Variants in THSD4 observed in about 807,000 individuals in gnomAD.
The protein encoded by THSD4 is thrombospondin type 1 domain containing 4.
Under a neutral mutation model 119.0 loss-of-function variants are expected in THSD4, and 69 were observed. That is an observed-to-expected ratio of 0.58 (90% CI 0.48 to 0.71). The LOEUF is 0.71. THSD4 is among the 30% of genes least tolerant of loss of function. The probability of loss-of-function intolerance (pLI) is 0.00; values close to 1 mark genes in which losing one functional copy is unlikely to be tolerated. For synonymous variants in THSD4, 524 were observed against 540.4 expected (o/e 0.97, Z 0.42); for missense variants, 1,393 against 1,391.1 (o/e 1.00, Z -0.02).
intron 7 of THSD4, among the ~76,000 whole-genome samples, chr15:71,434,986 C>A (rs182572793): frequency 5.3e-5 from 8 of 152,152 alleles, no homozygotes; most frequent in African/African-American, 1.7e-4. Context: ...CTCCCAAGAC[C>A]CGGAGCCACC....
At chr15:71,553,457 C>T (rs1209097602) in intron 7 of THSD4, among the ~76,000 whole-genome samples, 1 of 151,824 alleles carries the variant, frequency 6.6e-6, no homozygotes, top group Non-Finnish European at 1.5e-5. Flanking sequence ...TCCTGAGTAG[C>T]TGGAATTACA....
chr15:71,271,134 A>T (rs1195860754), intron 6 of THSD4, among the ~76,000 whole-genome samples: 3 of 145,400 alleles, frequency 2.1e-5, no homozygotes. Flanking sequence ...AAGAGAAATG[A>T]AAGTAATCGT....
rs1373141938 is a variant in THSD4 at position 71,781,478 on chromosome 15, C to T, written c.*4104C>T. On this transcript the variant is annotated 3_prime_UTR_variant, in exon 18 of 18. Transcript: ENST00000261862. ...TGTGTTTGCATTTGCCGGAACCATA[C>T]TTTAAGAAGAAAACCGATCATCTAT... The T allele has an allele frequency of 6.6e-6, 1 of 152,312 alleles. No homozygotes were observed. The highest frequency in any genetic ancestry group is 2.4e-5 in the African/African-American group (1 of 41,438). The allele number at this position is 152,312 out of a possible 1,614,324, so 9.4% of individuals were successfully genotyped here.
At chr15:71,181,429 T>C (rs2043525536) in intron 3 of THSD4, among the ~76,000 whole-genome samples, 1 of 152,234 alleles carries the variant, frequency 6.6e-6, no homozygotes, top group African/African-American at 2.4e-5. Flanking sequence ...CCCTTTACAA[T>C]GTTGCAGAAG....
intron 7 of THSD4, among the ~76,000 whole-genome samples, chr15:71,458,738 G>A (rs1214200916): frequency 6.6e-6 from 1 of 152,178 alleles, no homozygotes; most frequent in Non-Finnish European, 1.5e-5. Context: ...GGAAATAAAG[G>A]TGAGGAAAAT....
chr15:71,633,007 C>T (rs578129449), intron 7 of THSD4, among the ~76,000 whole-genome samples: 1 of 152,262 alleles, frequency 6.6e-6, no homozygotes, highest in African/African-American at 2.4e-5. Context: ...TGGCAGCTTA[C>T]CCGACAGCTT....
intron 8 of THSD4, among the ~76,000 whole-genome samples, chr15:71,718,038 A>G (rs193046211): frequency 3.3e-4 from 50 of 151,930 alleles, no homozygotes; most frequent in Non-Finnish European, 6.0e-4. Flanking sequence ...AGTCTCAGCT[A>G]CTCGGGAGGC....
At chr15:71,561,903 CACACACACACACACACAA>C (rs1426449534) in intron 7 of THSD4, among the ~76,000 whole-genome samples, 9,224 of 56,018 alleles carry the variant, frequency 0.16, 1,078 homozygotes, top group African/African-American at 0.36. Context: ...CACACACACA[CACACACACACACACACAA>C]ACACTCACTC....
intron 7 of THSD4, among the ~76,000 whole-genome samples, chr15:71,531,302 G>A (rs1227492535): frequency 6.6e-6 from 1 of 152,108 alleles, no homozygotes; most frequent in African/African-American, 2.4e-5. Flanking sequence ...ACCTGTTTCC[G>A]CTCTTGTTTT....
intron 7 of THSD4, among the ~76,000 whole-genome samples, chr15:71,561,452 G>A (rs541806735): frequency 6.6e-6 from 1 of 152,232 alleles, no homozygotes; most frequent in East Asian, 1.9e-4. Flanking sequence ...ATAGACTAAG[G>A]GAATTGTGAA....
intron 8 of THSD4, among the ~76,000 whole-genome samples, chr15:71,669,763 G>A (rs888288699): frequency 6.6e-6 from 1 of 152,138 alleles, no homozygotes; most frequent in Non-Finnish European, 1.5e-5. Flanking sequence ...AAATGGAGCA[G>A]AGCCCAGTAT....
At chr15:71,431,098 A>T (rs752036650) in intron 7 of THSD4, among the ~76,000 whole-genome samples, 1 of 152,234 alleles carries the variant, frequency 6.6e-6, no homozygotes, top group Non-Finnish European at 1.5e-5. Context: ...AAATGTTTCA[A>T]TTTTGTTCAC....
intron 3 of THSD4, among the ~76,000 whole-genome samples, chr15:71,166,016 C>T (rs946408709): frequency 3.3e-5 from 5 of 152,106 alleles, no homozygotes; most frequent in African/African-American, 1.2e-4. Flanking sequence ...GCTATTGAAC[C>T]AGAGGTGGCT....
Position 71,115,989 on chromosome 15 carries a change from A to G in THSD4, c.-80+291A>G, listed in dbSNP as rs1203375320. Among the ~76,000 whole-genome samples, 1 of 152,174 alleles carries G rather than the reference A, an allele frequency of 6.6e-6. No individual in the cohort carries two copies. The highest frequency in any genetic ancestry group is 1.5e-5 in the Non-Finnish European group (1 of 68,012). ...TCCCTCCACCCTCGACTCTAGGGAC[A>G]GTCTTAAACTCTAGGGACAATCCAC... On this transcript the variant is annotated intron_variant, in intron 1 of 17. Transcript: ENST00000261862. The surrounding 1 kb of genome is among the most constrained non-coding windows in gnomAD (Gnocchi z 4.4).
intron 14 of THSD4, among the ~76,000 whole-genome samples, chr15:71,756,795 A>G (rs140623344): frequency 1.3e-3 from 197 of 152,308 alleles, no homozygotes; most frequent in African/African-American, 4.4e-3. Context: ...CGAAAAAAAG[A>G]AAAGACACGA....
chr15:71,455,157 G>A (rs1476950942), intron 7 of THSD4, among the ~76,000 whole-genome samples: 1 of 152,206 alleles, frequency 6.6e-6, no homozygotes, highest in Non-Finnish European at 1.5e-5. Flanking sequence ...GGTCTGCAGA[G>A]CAGGAGAAAT....
chr15:71,268,673 GT>G (rs34513059), intron 6 of THSD4, among the ~76,000 whole-genome samples: 2,590 of 138,818 alleles, frequency 0.019, 29 homozygotes, highest in African/African-American at 0.032. Flanking sequence ...TCCAGGAACT[GT>G]TTTTTTTTTT....
rs530924540 is a variant in THSD4 at position 71,499,808 on chromosome 15, C to T, written c.1152+87985C>T. On this transcript the variant is annotated intron_variant, in intron 7 of 17. Coordinates refer to ENST00000261862, the MANE Select transcript of THSD4 (RefSeq NM_024817.3). ...TAGCACAATGCCCTTGAGCTTTATC[C>T]ATTTGTAGCATATGATGGGATTTCG... Among the ~76,000 whole-genome samples, 476 of 152,248 alleles carry T rather than the reference C, an allele frequency of 3.1e-3. 2 individuals carry two copies. The highest frequency in any genetic ancestry group is 0.011 in the African/African-American group (461 of 41,550).
At chr15:71,422,264 TCACAGTCTGGGTTTGCTTGTA>T (rs1566977119) in intron 7 of THSD4, among the ~76,000 whole-genome samples, 2 of 152,204 alleles carry the variant, frequency 1.3e-5, no homozygotes, top group South Asian at 2.1e-4. Flanking sequence ...ATTGTAGTCT[TCACAGTCTGGGTTTGCTTGTA>T]CACAGTCTGG....
Sources: gnomAD v4.1 joint callset for allele counts (sites outside exome capture counted in the v4.1 genomes callset) on GRCh38, gnomAD v4.1.1 for gene constraint, Gnocchi (gnomAD v3.1) non-coding constraint, MANE v1.5 for transcripts, NCBI Gene and HGNC (gene_info 2026-07-23, HGNC 2026-07-21) for gene names.